The following KCNH1 variants were observed in gnomAD, a reference collection of about 807,000 sequenced individuals.
KCNH1 encodes the protein voltage-gated delayed rectifier potassium channel KCNH1.
A neutral mutation model predicts 69.2 loss-of-function variants in KCNH1; 27 were observed. That is an observed-to-expected ratio of 0.39 (90% confidence interval 0.29 to 0.54). The LOEUF is 0.54. Ranked by LOEUF, KCNH1 falls within the 20% of genes least tolerant of loss-of-function variation. The pLI, the probability that KCNH1 is intolerant of heterozygous loss-of-function variation, is 0.68. For missense variants in KCNH1, 798 were observed against 1,261.6 expected (o/e 0.63, Z 5.57); for synonymous variants, 456 against 487.7 (o/e 0.93, Z 0.86).
chr1:210,786,915 A>C (rs988785034), intron 9 of KCNH1, among the ~76,000 whole-genome samples: 2 of 152,184 alleles, frequency 1.3e-5, no homozygotes, highest in Non-Finnish European at 2.9e-5. Context: ...CAGCCATTTA[A>C]GTCAGGTTAG....
At chr1:210,715,382 C>T (rs767158414) in intron 10 of KCNH1, among the ~76,000 whole-genome samples, 5 of 152,104 alleles carry the variant, frequency 3.3e-5, no homozygotes, top group Non-Finnish European at 5.9e-5. Context: ...TAAATCTTAA[C>T]AGGGCCAAGC....
intron 10 of KCNH1, among the ~76,000 whole-genome samples, chr1:210,710,157 T>C (rs1682031732): frequency 6.6e-6 from 1 of 152,190 alleles, no homozygotes; most frequent in African/African-American, 2.4e-5. Context: ...ATACTATAGA[T>C]AATTGTGTTT....
chr1:210,801,077 T>C (rs1393715805), intron 8 of KCNH1, among the ~76,000 whole-genome samples: 1 of 152,092 alleles, frequency 6.6e-6, no homozygotes, highest in Non-Finnish European at 1.5e-5. Context: ...ATTTTTGATA[T>C]TGTCATCATA....
At chr1:211,048,611 G>T (rs997758383) in intron 5 of KCNH1, among the ~76,000 whole-genome samples, 2 of 152,108 alleles carry the variant, frequency 1.3e-5, no homozygotes, top group Non-Finnish European at 2.9e-5. Flanking sequence ...ACCAAACATC[G>T]TATGTTCTCA....
intron 9 of KCNH1, among the ~76,000 whole-genome samples, chr1:210,776,448 C>T (rs1025858515): frequency 6.6e-6 from 1 of 152,130 alleles, no homozygotes; most frequent in African/African-American, 2.4e-5. Context: ...AATCCTAACC[C>T]TTAGTGCAAT....
At chr1:210,697,911 C>A (rs1034527805) in intron 10 of KCNH1, among the ~76,000 whole-genome samples, 1 of 152,204 alleles carries the variant, frequency 6.6e-6, no homozygotes, top group Non-Finnish European at 1.5e-5. Flanking sequence ...GCAGATAATG[C>A]AAAATTAGGG....
intron 1 of KCNH1, among the ~76,000 whole-genome samples, chr1:211,115,730 T>TATATATATATAC (rs1159442976): frequency 7.8e-4 from 68 of 87,024 alleles, no homozygotes; most frequent in Middle Eastern, 5.5e-3. Flanking sequence ...TATATATATA[T>TATATATATATAC]ACACACACAC....
chr1:210,762,701 T>C (rs1683546809), intron 10 of KCNH1, among the ~76,000 whole-genome samples: 6 of 151,886 alleles, frequency 4.0e-5, no homozygotes, highest in Non-Finnish European at 1.5e-5. Context: ...AAAAAAACAA[T>C]AGTGAGTAAT....
At chr1:210,703,026 A>G (rs868755538) in intron 10 of KCNH1, among the ~76,000 whole-genome samples, 4 of 152,242 alleles carry the variant, frequency 2.6e-5, no homozygotes, top group Non-Finnish European at 2.9e-5. Context: ...GTTTGTGGCT[A>G]ATCTCCCACA....
chr1:210,989,194 C>T (rs1688897477), intron 6 of KCNH1, among the ~76,000 whole-genome samples: 1 of 152,202 alleles, frequency 6.6e-6, no homozygotes, highest in African/African-American at 2.4e-5. Context: ...TGCATCTGCT[C>T]CACACAAGGA....
intron 10 of KCNH1, among the ~76,000 whole-genome samples, chr1:210,718,520 TA>T (rs1682349825): frequency 1.2e-5 from 1 of 85,708 alleles, no homozygotes; most frequent in Admixed American, 1.7e-4. Flanking sequence ...TACATATATG[TA>T]TATATATAAA....
At chr1:211,084,589 G>T (rs1419519597) in intron 4 of KCNH1, among the ~76,000 whole-genome samples, 1 of 152,202 alleles carries the variant, frequency 6.6e-6, no homozygotes, top group Non-Finnish European at 1.5e-5. Flanking sequence ...GCAAGAGTGG[G>T]CTCTTAAAAG....
intron 5 of KCNH1, among the ~76,000 whole-genome samples, chr1:211,041,266 A>G (rs1273417423): frequency 6.6e-6 from 1 of 152,058 alleles, no homozygotes; most frequent in Non-Finnish European, 1.5e-5. Flanking sequence ...GATCTACTTC[A>G]TCCTCTCAGC....
At chr1:211,012,883 G>A (rs892995994) in intron 6 of KCNH1, among the ~76,000 whole-genome samples, 2 of 152,184 alleles carry the variant, frequency 1.3e-5, no homozygotes, top group East Asian at 1.9e-4. Flanking sequence ...TGTGTGCGAG[G>A]AGGGGAGGGG....
At chr1:210,889,359 T>G (rs1353037930) in intron 7 of KCNH1, among the ~76,000 whole-genome samples, 1 of 152,174 alleles carries the variant, frequency 6.6e-6, no homozygotes, top group African/African-American at 2.4e-5. Context: ...CAACAGACCT[T>G]CATGCTAAAA....
intron 9 of KCNH1, among the ~76,000 whole-genome samples, chr1:210,794,317 C>T (rs1486745674): frequency 6.6e-6 from 1 of 152,158 alleles, no homozygotes. Context: ...ACTTTACAGA[C>T]TCAATCTGGC....
At position 211,133,270 on chromosome 1, in the gene KCNH1, G is replaced by A. The variant is rs534313935; in HGVS notation, c.79+597C>T. On this transcript the variant is annotated intron_variant, in intron 1 of 10. Transcript: ENST00000271751. The surrounding 1 kb of genome is among the most constrained non-coding windows in gnomAD (Gnocchi z 5.4). Reference sequence around the variant, plus strand: ...AAAACCATCTGCCCCTCACTTCGAAGGTGAGCCTTAACTTCACCTAGAAAG... The same window carrying A: ...AAAACCATCTGCCCCTCACTTCGAAAGTGAGCCTTAACTTCACCTAGAAAG... The A allele has an allele frequency of 1.5e-4, 23 of 152,470 alleles. No individual in the cohort carries two copies. Among genetic ancestry groups the A allele is most frequent in the African/African-American group, 4.8e-4 (20 of 41,574 alleles). 9.4% of individuals were successfully genotyped at this position (152,470 alleles called of 1,614,324 possible). A position where few individuals can be genotyped will look rare whatever the true frequency, so the allele number is the denominator to read the frequency against.
chr1:210,745,390 A>G (rs1683127353), intron 10 of KCNH1, among the ~76,000 whole-genome samples: 1 of 152,194 alleles, frequency 6.6e-6, no homozygotes, highest in South Asian at 2.1e-4. Flanking sequence ...ATTCTGCTCC[A>G]TTTTTTAACC....
At chr1:211,112,358 G>T (rs1691487862) in intron 1 of KCNH1, among the ~76,000 whole-genome samples, 1 of 139,950 alleles carries the variant, frequency 7.1e-6, no homozygotes, top group South Asian at 2.3e-4. Flanking sequence ...CTGCTTGGCC[G>T]CCCCACCGTC....
Sources: gnomAD v4.1 joint callset for allele counts (sites outside exome capture counted in the v4.1 genomes callset) on GRCh38, gnomAD v4.1.1 for gene constraint, Gnocchi (gnomAD v3.1) non-coding constraint, MANE v1.5 for transcripts, NCBI Gene and HGNC (gene_info 2026-07-23, HGNC 2026-07-21) for gene names.